SDC1: variants seen among roughly 807,000 people sequenced by gnomAD.
The protein encoded by SDC1 is syndecan 1, also known as syndecan-1.
Under a neutral mutation model 29.7 loss-of-function variants are expected in SDC1, and 14 were observed. The observed-to-expected ratio is 0.47, with a 90% CI of 0.31 to 0.74. SDC1 has a LOEUF of 0.74. Among genes scored for constraint, SDC1 ranks in the 30% least tolerant of loss-of-function variants. The pLI is 0.05. For missense variants in SDC1, 406 were observed against 400.3 expected (o/e 1.01, Z -0.12); for synonymous variants, 204 against 175.5 (o/e 1.16, Z -1.29).
intron 1 of SDC1, chr2:20,223,271 G>A: frequency 7.7e-7 from 1 of 1,299,708 alleles, no homozygotes; most frequent in Non-Finnish European, 1.0e-6. Flanking sequence ...TCTCCCATGA[G>A]ACAGACTCTG....
intron 1 of SDC1, among the ~76,000 whole-genome samples, chr2:20,220,007 G>A (rs1677764528): frequency 6.6e-6 from 1 of 152,186 alleles, no homozygotes; most frequent in Non-Finnish European, 1.5e-5. Context: ...TGCAAGCTGG[G>A]CACCACCTGG....
chr2:20,213,875 C>T (rs1013092132), intron 1 of SDC1, among the ~76,000 whole-genome samples: 1 of 152,244 alleles, frequency 6.6e-6, no homozygotes, highest in Non-Finnish European at 1.5e-5. Context: ...GGCCAGGGCT[C>T]CAGCTGTGTG....
Position 20,224,778 on chromosome 2 carries a change from C to T in SDC1, c.66+24G>A. The T allele has an allele frequency of 7.7e-7, 1 of 1,305,390 alleles. No individual in the cohort carries two copies. Among genetic ancestry groups the T allele is most frequent in the Non-Finnish European group, 9.7e-7 (1 of 1,026,302 alleles). The allele number at this position is 1,305,390 out of a possible 1,614,324, so 80.9% of individuals were successfully genotyped here. On this transcript the variant is annotated intron_variant, in intron 1 of 4. Coordinates refer to ENST00000254351, the MANE Select transcript of SDC1 (RefSeq NM_002997.5). This position sits in a 1 kb window ranked among gnomAD's most constrained non-coding sequence, Gnocchi z 4.9. ...CAGTCCCGGCTTCCCGCCGCCTCCC[C>T]GCCTGGCCGCCGGCCGCACTCACCG...
Position 20,224,913 on chromosome 2 carries a change from G to C in SDC1, c.-46C>G. 4.1e-6 allele frequency: 5 copies of C among 1,206,146 alleles called. No individual in the cohort carries two copies. The highest frequency in any genetic ancestry group is 5.1e-6 in the Non-Finnish European group (5 of 972,068). The allele number at this position is 1,206,146 out of a possible 1,614,324, so 74.7% of individuals were successfully genotyped here. ...GAGAGCGGCAGGCTGCGCGGGTCGCGGCTGCGGGCCGGCTTCGCGGGTTCC... is the reference window on the plus strand; with the variant it reads ...GAGAGCGGCAGGCTGCGCGGGTCGCCGCTGCGGGCCGGCTTCGCGGGTTCC... On this transcript the variant is annotated 5_prime_UTR_variant, in exon 1 of 5. Coordinates refer to ENST00000254351, the MANE Select transcript of SDC1 (RefSeq NM_002997.5). This position sits in a 1 kb window ranked among gnomAD's most constrained non-coding sequence, Gnocchi z 4.9.
At chr2:20,209,697 C>T (rs922859521) in intron 1 of SDC1, among the ~76,000 whole-genome samples, 5 of 152,258 alleles carry the variant, frequency 3.3e-5, no homozygotes, top group Non-Finnish European at 7.3e-5. Context: ...CCAGCTTTCG[C>T]TCCCGTAACA....
At position 20,222,370 on chromosome 2, in the gene SDC1, T is replaced by C. The variant is rs113190279; in HGVS notation, c.66+2432A>G. Among the ~76,000 whole-genome samples the C allele has an allele frequency of 8.7e-3, 1,322 of 152,282 alleles. 21 individuals are homozygous for C. The highest frequency in any genetic ancestry group is 0.03 in the African/African-American group (1,228 of 41,558). ...TGCCTGATTTCTTTTAGGAAAGGGGTATCAGAGCTTTGGGAAGGCAGTGCA... is the reference window on the plus strand; with the variant it reads ...TGCCTGATTTCTTTTAGGAAAGGGGCATCAGAGCTTTGGGAAGGCAGTGCA... On this transcript the variant is annotated intron_variant, in intron 1 of 4. Transcript: ENST00000254351.
At position 20,224,082 on chromosome 2, in the gene SDC1, C is replaced by A. The variant is rs898018609; in HGVS notation, c.66+720G>T. 2.9e-6 allele frequency: 1 copy of A among 346,720 alleles called. No individual in the cohort carries two copies. The highest frequency in any genetic ancestry group is 1.9e-5 in the South Asian group (1 of 52,022). 21.5% of individuals were successfully genotyped at this position (346,720 alleles called of 1,614,324 possible). The stretch of plus-strand genomic sequence containing the variant: ...GCCGTGCCCGGCACGGGAACGCGCC[C>A]TCCGGGGCCAGCTCAACTTCAGCAG... On this transcript the variant is annotated intron_variant, in intron 1 of 4. Coordinates refer to ENST00000254351, the MANE Select transcript of SDC1 (RefSeq NM_002997.5). The surrounding 1 kb of genome is among the most constrained non-coding windows in gnomAD (Gnocchi z 4.9).
chr2:20,218,411 C>T (rs1677699451), intron 1 of SDC1, among the ~76,000 whole-genome samples: 2 of 152,162 alleles, frequency 1.3e-5, no homozygotes, highest in Admixed American at 1.3e-4. Flanking sequence ...CAGGTAGTGA[C>T]CAGGCCCCCC....
rs1409177911 is a variant in SDC1 at position 20,201,057 on chromosome 2, C to T, written c.*1709G>A. The stretch of plus-strand genomic sequence containing the variant: ...GCCAACGGAGTCGCTGAAACGTTGT[C>T]AAATAAGCAAGTAAGTGCAGGAGCC... On this transcript the variant is annotated 3_prime_UTR_variant, in exon 5 of 5. Coordinates refer to ENST00000254351, the MANE Select transcript of SDC1 (RefSeq NM_002997.5). 1 of 152,278 alleles carries T rather than the reference C, an allele frequency of 6.6e-6. No individual in the cohort carries two copies. Among genetic ancestry groups the T allele is most frequent in the East Asian group, 1.9e-4 (1 of 5,200 alleles). 9.4% of individuals were successfully genotyped at this position (152,278 alleles called of 1,614,324 possible). A position where few individuals can be genotyped will look rare whatever the true frequency, so the allele number is the denominator to read the frequency against.
At position 20,204,072 on chromosome 2, in the gene SDC1, G is replaced by T; in HGVS notation, c.368C>A (p.Pro123His). 6.2e-7 allele frequency: 1 copy of T among 1,611,502 alleles called. No homozygotes were observed. Residue 123 changes from proline to histidine, a missense_variant, in exon 3 of 5, where the codon CCC (proline) becomes CAC (histidine). Pro to His is a moderately conservative substitution (Grantham distance 77). Coordinates refer to ENST00000254351, the MANE Select transcript of SDC1 (RefSeq NM_002997.5). The stretch of plus-strand genomic sequence containing the variant: ...GAGCTGTGTGGTCTCCCTGGGTCGG[G>T]GGGTGGCCTCCTGCTCCCGGGCGGT... ...GLTAREQEAT[P>H]RPRETTQLPT...
intron 1 of SDC1, among the ~76,000 whole-genome samples, chr2:20,208,878 T>C (rs949559579): frequency 6.6e-6 from 1 of 152,228 alleles, no homozygotes; most frequent in Non-Finnish European, 1.5e-5. Context: ...AACAACTTTG[T>C]GCTAGGTAAG....
Position 20,224,872 on chromosome 2 carries a change from C to T in SDC1, c.-5G>A, listed in dbSNP as rs1411445363. ...CCAGAGCGCCGCGCGCCTCATGCTG[C>T]CCGGACCGGCGGCGGGAGAGCGGCA... On this transcript the variant is annotated 5_prime_UTR_variant, in exon 1 of 5. Coordinates refer to ENST00000254351, the MANE Select transcript of SDC1 (RefSeq NM_002997.5). This position sits in a 1 kb window ranked among gnomAD's most constrained non-coding sequence, Gnocchi z 4.9. 7.3e-6 allele frequency: 9 copies of T among 1,224,962 alleles called. No individual in the cohort carries two copies. Among genetic ancestry groups the T allele is most frequent in the Non-Finnish European group, 8.1e-6 (8 of 984,488 alleles). 75.9% of individuals were successfully genotyped at this position (1,224,962 alleles called of 1,614,324 possible). A position where few individuals can be genotyped will look rare whatever the true frequency, so the allele number is the denominator to read the frequency against.
At position 20,202,267 on chromosome 2, in the gene SDC1, T is replaced by TA. The variant is rs2148276531; in HGVS notation, c.*498dup. ...GGAAACATGTGCAAAAACAAGTCGA[T>TA]ATCTAGATTAGACCTCCCCACGAAA... On this transcript the variant is annotated 3_prime_UTR_variant, in exon 5 of 5. Transcript: ENST00000254351. 1.3e-6 allele frequency: 1 copy of TA among 779,146 alleles called. No individual in the cohort carries two copies. Among genetic ancestry groups the TA allele is most frequent in the East Asian group, 2.4e-5 (1 of 41,204 alleles). The allele number at this position is 779,146 out of a possible 1,614,324, so 48.3% of individuals were successfully genotyped here.
intron 1 of SDC1, among the ~76,000 whole-genome samples, 177 bp from the exon 2 acceptor site, chr2:20,205,601 G>A (rs1677237869): frequency 6.6e-6 from 1 of 152,186 alleles, no homozygotes; most frequent in African/African-American, 2.4e-5. Flanking sequence ...TTGGTCCCCA[G>A]GCCCCATCCC....
rs1677014751 is a variant in SDC1, at chr2:20,201,716, T to A, written c.*1050A>T. On this transcript the variant is annotated 3_prime_UTR_variant, in exon 5 of 5. Coordinates refer to ENST00000254351, the MANE Select transcript of SDC1 (RefSeq NM_002997.5). ...CTGCCCAAGACACCCCTCGTCAATT[T>A]CCAGGAGGAAGCAGCCCCTGGAGAC... The A allele has an allele frequency of 6.5e-6, 1 of 152,800 alleles. No homozygotes were observed. The highest frequency in any genetic ancestry group is 1.9e-4 in the East Asian group (1 of 5,202). The allele number at this position is 152,800 out of a possible 1,614,324, so 9.5% of individuals were successfully genotyped here. A position where few individuals can be genotyped will look rare whatever the true frequency, so the allele number is the denominator to read the frequency against.
intron 1 of SDC1, 30 bp from the exon 2 acceptor site, chr2:20,205,454 A>G (rs772275788): frequency 6.3e-7 from 1 of 1,591,688 alleles, no homozygotes; most frequent in South Asian, 1.1e-5. Context: ...TGGTATGAGT[A>G]AAGGCTTGGC....
At position 20,205,363 on chromosome 2, in the gene SDC1, T is replaced by A; in HGVS notation, c.128A>T (p.Asn43Ile). ...DQDGSGDDSD[N>I]FSGSGAGALQ... ...CTCACCTGCACCTGAGCCGGAGAAG[T>A]TGTCAGAGTCATCCCCAGAGCCATC... is the stretch of plus-strand genomic sequence containing the variant. The change falls in exon 2 of 5, where the codon AAC (asparagine) becomes ATC (isoleucine). Residue 43 changes from asparagine (N) to isoleucine (I), a missense_variant. Transcript: ENST00000254351. The A allele has an allele frequency of 6.2e-7, 1 of 1,613,942 alleles. No individual in the cohort carries two copies. The highest frequency in any genetic ancestry group is 8.5e-7 in the Non-Finnish European group (1 of 1,179,934).
At chr2:20,207,367 G>C in intron 1 of SDC1, 5 of 980,570 alleles carry the variant, frequency 5.1e-6, no homozygotes, top group Non-Finnish European at 6.1e-6. Flanking sequence ...GTCACATTCC[G>C]CCAAGGCTCA....
chr2:20,206,432 G>T (rs1420438478), intron 1 of SDC1, among the ~76,000 whole-genome samples: 1 of 152,216 alleles, frequency 6.6e-6, no homozygotes, highest in Non-Finnish European at 1.5e-5. Flanking sequence ...CAGAACCCTG[G>T]TCGGCAGGGA....
Sources: allele counts gnomAD v4.1 joint callset (sites outside exome capture counted in the v4.1 genomes callset), GRCh38; gene constraint gnomAD v4.1.1; non-coding constraint Gnocchi (gnomAD v3.1); transcripts MANE v1.5; gene names NCBI Gene and HGNC (gene_info 2026-07-23, HGNC 2026-07-21).